The following ELP1 variants were observed in gnomAD, a reference collection of about 807,000 sequenced individuals.
ELP1 encodes the protein elongator complex protein 1.
Under a neutral mutation model 183.2 loss-of-function variants are expected in ELP1, and 131 were observed. The ratio of observed to expected loss-of-function variants is 0.72; its 90% CI spans 0.62 to 0.83. The LOEUF (loss-of-function observed/expected upper bound fraction) is 0.83. ELP1 is among the 40% of genes least tolerant of loss of function. ELP1 has a pLI of 0.00. For synonymous variants in ELP1, 555 were observed against 569.0 expected (o/e 0.98, Z 0.35); for missense variants, 1,550 against 1,594.9 (o/e 0.97, Z 0.48).
intron 25 of ELP1, among the ~76,000 whole-genome samples, chr9:108,895,966 T>C (rs866184526): frequency 6.6e-6 from 1 of 152,250 alleles, no homozygotes; most frequent in Middle Eastern, 3.4e-3. Context: ...AAAATAACCA[T>C]GTAATTTTAG....
intron 14 of ELP1, among the ~76,000 whole-genome samples, chr9:108,905,307 G>A (rs1828978052): frequency 6.6e-6 from 1 of 152,172 alleles, no homozygotes; most frequent in Non-Finnish European, 1.5e-5. Context: ...CTGGGGATTA[G>A]TGTCAGTGGA....
At chr9:108,917,761 G>T in intron 8 of ELP1, 91 bp from the exon 9 acceptor site, 1 of 1,221,420 alleles carries the variant, frequency 8.2e-7, no homozygotes. Context: ...CAGCAAACAT[G>T]AATGAATGAA....
chr9:108,933,047 T>C (rs1830051764), intron 1 of ELP1, among the ~76,000 whole-genome samples: 1 of 152,230 alleles, frequency 6.6e-6, no homozygotes, highest in Non-Finnish European at 1.5e-5. Context: ...TGATTAGGCC[T>C]AAATGCCTAG....
chr9:108,898,564 C>T lies in ELP1; in HGVS notation c.2301G>A (p.Val767=). The T allele has an allele frequency of 6.2e-7, 1 of 1,606,544 alleles. No homozygotes were observed. The highest frequency in any genetic ancestry group is 1.1e-5 in the South Asian group (1 of 90,872). ...AATCTATCTGTTTAATGAAGGTTTC[C>T]ACATTTCCAAGAAACACCTACCAAA... ...DHNPKVFLGN[V]ETFIKQIDSV... The change falls in exon 22 of 37, where the codon GTG becomes GTA. Residue 767 remains valine (V), a synonymous_variant. Coordinates refer to ENST00000374647, the MANE Select transcript of ELP1 (RefSeq NM_003640.5).
chr9:108,916,697 A>T (rs1367509771), intron 9 of ELP1, among the ~76,000 whole-genome samples: 1 of 152,230 alleles, frequency 6.6e-6, no homozygotes, highest in Non-Finnish European at 1.5e-5. Context: ...TTCTAGAATT[A>T]AAACTCCAGG....
chr9:108,895,160 C>T (rs1234289721), intron 25 of ELP1, among the ~76,000 whole-genome samples: 2 of 152,078 alleles, frequency 1.3e-5, no homozygotes, highest in East Asian at 1.9e-4. Flanking sequence ...GCCTAGGAGG[C>T]GTAGGTTGCA....
At chr9:108,930,690 CAAAAAAAAAAA>C (rs5899828) in intron 2 of ELP1, among the ~76,000 whole-genome samples, 1 of 72,590 alleles carries the variant, frequency 1.4e-5, no homozygotes, top group South Asian at 6.2e-4. Context: ...GACTCCGTCT[CAAAAAAAAAAA>C]AAAAAAAAAC....
chr9:108,891,192 ATTGTACT>A lies in ELP1; in HGVS notation c.3160+4_3160+10del, dbSNP rs1169022601. 1 of 1,613,496 alleles carries A rather than the reference ATTGTACT, an allele frequency of 6.2e-7. No homozygotes were observed. The highest frequency in any genetic ancestry group is 1.3e-5 in the African/African-American group (1 of 75,050). ...CTTTGTAGATGTAAACATATAAATG[ATTGTACT>A]TACCTGCCAGAGTTCTGCCGAGGCC... On this transcript the variant is annotated splice_donor_5th_base_variant and intron_variant, in intron 28 of 36. Coordinates refer to ENST00000374647, the MANE Select transcript of ELP1 (RefSeq NM_003640.5).
At chr9:108,877,930 T>C (rs1827760955) in intron 35 of ELP1, 65 bp downstream of exon 35, 2 of 1,543,706 alleles carry the variant, frequency 1.3e-6, no homozygotes, top group Non-Finnish European at 9.0e-7. Flanking sequence ...GACTTGGAGA[T>C]TGTGTGAATA....
rs1236050758 is a variant in ELP1 at position 108,879,550 on chromosome 9, C to T, written c.3468G>A (p.Glu1156=). ...GGTCTGACTCTTGCCCGTGGGGTAC[C>T]TCATCATCTAGAAAAGAAGAACCAG... ...EQAQQAGLDD[E]VPHGQESDLF... The change falls in exon 33 of 37, where the codon GAG becomes GAA. Residue 1156 remains glutamate, a synonymous_variant. Coordinates refer to ENST00000374647, the MANE Select transcript of ELP1 (RefSeq NM_003640.5). The T allele has an allele frequency of 6.2e-7, 1 of 1,612,492 alleles. No individual in the cohort carries two copies. The highest frequency in any genetic ancestry group is 8.5e-7 in the Non-Finnish European group (1 of 1,178,590).
At chr9:108,915,171 G>A (rs1466707859) in intron 10 of ELP1, among the ~76,000 whole-genome samples, 1 of 152,008 alleles carries the variant, frequency 6.6e-6, no homozygotes, top group Non-Finnish European at 1.5e-5. Flanking sequence ...CTTCTTTCAC[G>A]TCCACAGAAT....
intron 6 of ELP1, among the ~76,000 whole-genome samples, chr9:108,920,658 A>T (rs1367726609): frequency 6.6e-6 from 1 of 151,680 alleles, no homozygotes; most frequent in East Asian, 1.9e-4. Context: ...CTAGAATAAC[A>T]CAACTTAAAA....
chr9:108,890,477 A>G (rs960112680), intron 28 of ELP1, among the ~76,000 whole-genome samples: 2 of 152,178 alleles, frequency 1.3e-5, no homozygotes, highest in African/African-American at 4.8e-5. Flanking sequence ...GGAAAAAAAT[A>G]TACCAGTCAT....
chr9:108,875,865 A>T (rs1229663597), intron 35 of ELP1: 1 of 240,752 alleles, frequency 4.2e-6, no homozygotes, highest in South Asian at 4.2e-5. Flanking sequence ...GATTGATCAT[A>T]CTGTCACTGC....
rs766078079 is a variant in ELP1 at position 108,901,459 on chromosome 9, G to A, written c.1980C>T (p.Cys660=). 7 of 1,613,774 alleles carry A rather than the reference G, an allele frequency of 4.3e-6. No individual in the cohort carries two copies. Among genetic ancestry groups the A allele is most frequent in the Non-Finnish European group, 5.1e-6 (6 of 1,179,710 alleles). ...FLLLTTHSHT[C]QCFCLRDASF... is the part of the protein sequence containing the mutation. Reference sequence around the variant, plus strand: ...AAGCATCCCTCAGGCAAAAACACTGGCAGGTATGGGAATGGGTTGTCAACA... The same window carrying A: ...AAGCATCCCTCAGGCAAAAACACTGACAGGTATGGGAATGGGTTGTCAACA... The change falls in exon 18 of 37, where the codon TGC becomes TGT. Residue 660 remains cysteine (C), a synonymous_variant. Transcript: ENST00000374647.
chr9:108,896,748 G>T (rs913316281), intron 24 of ELP1, 104 bp from the exon 25 acceptor site: 1 of 1,170,020 alleles, frequency 8.5e-7, no homozygotes, highest in Admixed American at 1.7e-5. Context: ...CAATAGAACT[G>T]GACATCAGAA....
rs763070243 is a variant in ELP1, at chr9:108,922,962, C to T, written c.467-35G>A. The stretch of plus-strand genomic sequence containing the variant: ...AATTGGCAAGACAACTAATAAGCCA[C>T]ATGAAATGAAACAAAAACAGTTTCA... On this transcript the variant is annotated intron_variant, in intron 5 of 36. Coordinates refer to ENST00000374647, the MANE Select transcript of ELP1 (RefSeq NM_003640.5). The T allele has an allele frequency of 2.0e-6, 3 of 1,484,994 alleles. No homozygotes were observed. In the South Asian group the frequency reaches 3.4e-5, roughly 17 times the overall value. 92.0% of individuals were successfully genotyped at this position (1,484,994 alleles called of 1,614,324 possible).
At chr9:108,879,057 T>C (rs1230733019) in intron 33 of ELP1, among the ~76,000 whole-genome samples, 1 of 152,240 alleles carries the variant, frequency 6.6e-6, no homozygotes, top group Non-Finnish European at 1.5e-5. Context: ...GTAAAAGTGT[T>C]ATGACTTATT....
intron 29 of ELP1, among the ~76,000 whole-genome samples, chr9:108,888,025 G>A (rs1161323566): frequency 6.6e-6 from 1 of 152,130 alleles, no homozygotes; most frequent in Non-Finnish European, 1.5e-5. Context: ...CAATCCAAAT[G>A]TACATCAACT....
Sources: gnomAD v4.1 joint callset for allele counts (sites outside exome capture counted in the v4.1 genomes callset) on GRCh38, gnomAD v4.1.1 for gene constraint, MANE v1.5 for transcripts, NCBI Gene and HGNC (gene_info 2026-07-23, HGNC 2026-07-21) for gene names.